Variants in KALRN observed in about 807,000 individuals in gnomAD.
The protein encoded by KALRN is kalirin RhoGEF kinase.
A neutral mutation model predicts 353.7 loss-of-function variants in KALRN; 70 were observed. The ratio of observed to expected loss-of-function variants is 0.20; its 90% CI spans 0.16 to 0.24. The LOEUF is 0.24. KALRN is among the 10% of genes least tolerant of loss of function. KALRN has a pLI of 1.00. For synonymous variants in KALRN, 1,391 were observed against 1,434.8 expected (o/e 0.97, Z 0.69); for missense variants, 2,791 against 3,756.7 (o/e 0.74, Z 6.72).
At chr3:124,372,619 T>A (rs28451921) in intron 10 of KALRN, among the ~76,000 whole-genome samples, 2 of 151,926 alleles carry the variant, frequency 1.3e-5, no homozygotes, top group Middle Eastern at 3.4e-3. Flanking sequence ...TTATTTATTT[T>A]TTTATTTATT....
intron 19 of KALRN, 66 bp from the exon 20 acceptor site, chr3:124,446,095 G>A (rs1317612067): frequency 9.9e-7 from 1 of 1,008,530 alleles, no homozygotes; most frequent in African/African-American, 1.6e-5. Context: ...GGGCCGTGGG[G>A]CTGAAGGGGT....
intron 9 of KALRN, among the ~76,000 whole-genome samples, chr3:124,337,860 C>A (rs550096678): frequency 6.6e-6 from 1 of 152,064 alleles, no homozygotes; most frequent in Admixed American, 6.6e-5. Flanking sequence ...CTTCTTTAGT[C>A]TTGGGAGGAT....
intron 36 of KALRN, among the ~76,000 whole-genome samples, chr3:124,634,755 C>A (rs1007669035): frequency 2.0e-5 from 3 of 151,998 alleles, no homozygotes; most frequent in Non-Finnish European, 2.9e-5. Flanking sequence ...GACGTGGAAG[C>A]GGCAGGTTTG....
intron 3 of KALRN, among the ~76,000 whole-genome samples, chr3:124,249,766 GC>G (rs1473479627): frequency 1.3e-5 from 2 of 152,166 alleles, no homozygotes; most frequent in Non-Finnish European, 2.9e-5. Context: ...AAGACCTGGA[GC>G]CCTTGGTCCT....
chr3:124,408,196 A>AC, intron 13 of KALRN, among the ~76,000 whole-genome samples: 1 of 152,362 alleles, frequency 6.6e-6, no homozygotes, highest in South Asian at 2.1e-4. Context: ...TGCTAAAAAA[A>AC]ATATGATTAA....
At chr3:124,110,446 A>G (rs1281794164) in intron 1 of KALRN, among the ~76,000 whole-genome samples, 1 of 131,842 alleles carries the variant, frequency 7.6e-6, no homozygotes, top group Non-Finnish European at 1.6e-5. Context: ...ATATATGTAT[A>G]TATTTCATAT....
At chr3:124,264,719 T>A (rs778442213) in intron 4 of KALRN, 29 bp downstream of exon 4, 31 of 1,580,292 alleles carry the variant, frequency 2.0e-5, no homozygotes, top group Non-Finnish European at 2.6e-5. Flanking sequence ...TCTTAGCATC[T>A]TCTTTCCCTT....
At chr3:124,090,285 G>A (rs2061041138) in intron 1 of KALRN, among the ~76,000 whole-genome samples, 1 of 152,164 alleles carries the variant, frequency 6.6e-6, no homozygotes, top group South Asian at 2.1e-4. Context: ...CATGAGCTGG[G>A]CATGCCTCAG....
chr3:124,143,022 C>T (rs767618922), intron 1 of KALRN, among the ~76,000 whole-genome samples: 3 of 151,896 alleles, frequency 2.0e-5, no homozygotes, highest in African/African-American at 4.8e-5. Context: ...CTACCCTCAG[C>T]ACCTAATACA....
chr3:124,051,914 T>G (rs2041080850), intron 1 of KALRN, among the ~76,000 whole-genome samples: 1 of 152,178 alleles, frequency 6.6e-6, no homozygotes, highest in Non-Finnish European at 1.5e-5. Context: ...GAAGAACAGT[T>G]GTTACTGCCG....
rs1378635356 is a variant in KALRN at position 124,223,753 on chromosome 3, G to A, written c.74-4237G>A. Among the ~76,000 whole-genome samples, 3 of 152,330 alleles carry A rather than the reference G, an allele frequency of 2.0e-5. 1 individual carries two copies. In the East Asian group the frequency reaches 5.8e-4, roughly 29 times the overall value. Reference sequence around the variant, plus strand: ...GACCCACAAAACCACAGACAGGGCTGGGGGGCTCAAGGGCCAGTTTTACCA... The same window carrying A: ...GACCCACAAAACCACAGACAGGGCTAGGGGGCTCAAGGGCCAGTTTTACCA... On this transcript the variant is annotated intron_variant, in intron 1 of 59. Transcript: ENST00000682506.
intron 6 of KALRN, among the ~76,000 whole-genome samples, chr3:124,299,799 A>G (rs1348376698): frequency 6.6e-6 from 1 of 152,208 alleles, no homozygotes; most frequent in South Asian, 2.1e-4. Context: ...CTTATCCCTC[A>G]TAAACCTAAC....
At chr3:124,657,943 C>G in intron 41 of KALRN, 140 bp downstream of exon 41, 1 of 662,848 alleles carries the variant, frequency 1.5e-6, no homozygotes, top group Non-Finnish European at 2.7e-6. Flanking sequence ...GGCTTGACCC[C>G]AGGAATTGAG....
intron 59 of KALRN, among the ~76,000 whole-genome samples, chr3:124,718,250 A>T (rs925647564): frequency 6.6e-6 from 1 of 150,862 alleles, no homozygotes; most frequent in African/African-American, 2.4e-5. Flanking sequence ...CCTCTTGAGT[A>T]GCTGGGATTA....
At chr3:124,584,407 A>AT (rs2074917313) in intron 34 of KALRN, among the ~76,000 whole-genome samples, 2 of 151,918 alleles carry the variant, frequency 1.3e-5, no homozygotes, top group Non-Finnish European at 2.9e-5. Context: ...ATCTAGTTGT[A>AT]TTTTTTAAGC....
At chr3:124,224,196 T>G (rs902556430) in intron 1 of KALRN, among the ~76,000 whole-genome samples, 13 of 143,718 alleles carry the variant, frequency 9.0e-5, no homozygotes, top group Non-Finnish European at 1.5e-4. Flanking sequence ...GGCTTAGGGG[T>G]TTTTTTTTTA....
chr3:124,437,689 C>CAAAA (rs397876079), intron 17 of KALRN, among the ~76,000 whole-genome samples: 1,314 of 48,328 alleles, frequency 0.027, 148 homozygotes, highest in East Asian at 0.062. Context: ...GATTCCGTCT[C>CAAAA]AAAAAAAAAA....
At chr3:124,397,263 G>C (rs185828847) in intron 12 of KALRN, among the ~76,000 whole-genome samples, 2 of 152,278 alleles carry the variant, frequency 1.3e-5, no homozygotes, top group African/African-American at 4.8e-5. Context: ...GGGGATGTCC[G>C]TGCAGTTGTG....
At position 124,395,480 on chromosome 3, in the gene KALRN, A is replaced by G. The variant is rs1438978673; in HGVS notation, c.2171+137A>G. On this transcript the variant is annotated intron_variant, in intron 12 of 59. Coordinates refer to ENST00000682506, the MANE Select transcript of KALRN (RefSeq NM_001388419.1). ...GGTTTCTTTATCTGTAAGATGTAAA[A>G]ATGCCTGCACCATACTCAACTTGAA... The G allele has an allele frequency of 2.3e-5, 15 of 653,758 alleles. No individual in the cohort carries two copies. The East Asian group carries it at 4.1e-4, about 18-fold the overall frequency. The allele number at this position is 653,758 out of a possible 1,614,324, so 40.5% of individuals were successfully genotyped here.
Sources: allele counts gnomAD v4.1 joint callset (sites outside exome capture counted in the v4.1 genomes callset), GRCh38; gene constraint gnomAD v4.1.1; transcripts MANE v1.5; gene names NCBI Gene and HGNC (gene_info 2026-07-23, HGNC 2026-07-21).